The following SUMF1 variants were observed in gnomAD, a reference collection of about 807,000 sequenced individuals.
The protein encoded by SUMF1 is formylglycine-generating enzyme.
Under a neutral mutation model 47.6 loss-of-function variants are expected in SUMF1, and 48 were observed. The ratio of observed to expected loss-of-function variants is 1.01; its 90% CI spans 0.80 to 1.28. The LOEUF (loss-of-function observed/expected upper bound fraction) is 1.28. Ranked by LOEUF, SUMF1 falls within the 50% of genes most tolerant of loss-of-function variation. SUMF1 has a pLI of 0.00. For missense variants in SUMF1, 571 were observed against 485.4 expected (o/e 1.18, Z -1.66); for synonymous variants, 230 against 192.1 (o/e 1.20, Z -1.63).
intron 8 of SUMF1, chr3:4,303,644 A>C (rs2125068083): frequency 7.0e-7 from 1 of 1,427,192 alleles, no homozygotes. Flanking sequence ...CTTACAGCGC[A>C]CCCGTTGGTG....
chr3:4,376,489 T>G (rs1700334519), intron 7 of SUMF1, 100 bp from the exon 8 acceptor site: 2 of 1,258,208 alleles, frequency 1.6e-6, no homozygotes, highest in South Asian at 1.2e-5. Flanking sequence ...CTCTCATGGT[T>G]GCCTAAACTC....
chr3:4,425,159 T>C (rs1374963147), intron 3 of SUMF1, among the ~76,000 whole-genome samples: 1 of 152,192 alleles, frequency 6.6e-6, no homozygotes, highest in Non-Finnish European at 1.5e-5. Context: ...AGTAGCATAG[T>C]GGTAAGAGTA....
At chr3:4,209,840 T>G (rs1695740778) in intron 8 of SUMF1, among the ~76,000 whole-genome samples, 3 of 152,138 alleles carry the variant, frequency 2.0e-5, no homozygotes, top group Admixed American at 1.3e-4. Context: ...CTACCACAGA[T>G]TGCTGAGAGA....
intron 8 of SUMF1, among the ~76,000 whole-genome samples, chr3:4,077,486 A>G (rs1692464976): frequency 6.6e-6 from 1 of 152,178 alleles, no homozygotes; most frequent in Non-Finnish European, 1.5e-5. Flanking sequence ...ATGAAAAAGA[A>G]CAAGTTCATG....
intron 3 of SUMF1, 24 bp from the exon 4 acceptor site, chr3:4,420,170 G>T: frequency 2.5e-6 from 4 of 1,595,122 alleles, no homozygotes; most frequent in Non-Finnish European, 3.4e-6. Flanking sequence ...AGAACAGGCT[G>T]ATGTTAGCTA....
At chr3:4,349,997 A>C (rs1051798928) in intron 8 of SUMF1, among the ~76,000 whole-genome samples, 1 of 146,470 alleles carries the variant, frequency 6.8e-6, no homozygotes, top group African/African-American at 2.5e-5. Flanking sequence ...ATTACGTATT[A>C]TTTTCTTTTT....
At chr3:4,157,757 T>G (rs760866720) in intron 8 of SUMF1, among the ~76,000 whole-genome samples, 1 of 151,552 alleles carries the variant, frequency 6.6e-6, no homozygotes, top group Non-Finnish European at 1.5e-5. Flanking sequence ...CCCACAGAAA[T>G]GAGACAGACA....
intron 8 of SUMF1, among the ~76,000 whole-genome samples, chr3:4,134,223 A>G (rs144049101): frequency 0.026 from 4,008 of 152,080 alleles, 163 homozygotes; most frequent in African/African-American, 0.092. Context: ...TGGAAGTAAA[A>G]CACTCCTCAG....
At chr3:4,346,001 A>C (rs1456379529) in intron 8 of SUMF1, among the ~76,000 whole-genome samples, 1 of 152,260 alleles carries the variant, frequency 6.6e-6, no homozygotes, top group Non-Finnish European at 1.5e-5. Flanking sequence ...ATATGCACCC[A>C]ATACAGGAGC....
intron 8 of SUMF1, among the ~76,000 whole-genome samples, chr3:4,276,459 G>A (rs1268668345): frequency 6.6e-6 from 1 of 152,076 alleles, no homozygotes; most frequent in Non-Finnish European, 1.5e-5. Context: ...TGTAGAAGTA[G>A]CCTTGTTTCC....
In SUMF1 at chr3:4,043,998, C is replaced by G. The variant is rs577971864; in HGVS notation, c.1191+24571G>C. On this transcript the variant is annotated intron_variant and NMD_transcript_variant, in intron 9 of 12. Transcript: ENST00000448413. Reference sequence around the variant, plus strand: ...TCCAAGGCTGCAATAATTCAGTGGCCCAATACTATTTCAAATTTATAGCAG... The same window carrying G: ...TCCAAGGCTGCAATAATTCAGTGGCGCAATACTATTTCAAATTTATAGCAG... Among the ~76,000 whole-genome samples, 217 of 126,514 alleles carry G rather than the reference C, an allele frequency of 1.7e-3. 1 individual carries two copies. The highest frequency in any genetic ancestry group is 6.0e-3 in the African/African-American group (203 of 34,096). 83.0% of individuals were successfully genotyped at this position (126,514 alleles called of 152,430 possible).
intron 8 of SUMF1, among the ~76,000 whole-genome samples, chr3:4,323,885 C>T (rs1328947862): frequency 6.6e-6 from 1 of 152,140 alleles, no homozygotes; most frequent in Non-Finnish European, 1.5e-5. Flanking sequence ...CCTGACAGCT[C>T]TTCCTCTCAG....
intron 8 of SUMF1, among the ~76,000 whole-genome samples, chr3:4,291,359 C>A (rs1421568991): frequency 6.6e-6 from 1 of 152,050 alleles, no homozygotes; most frequent in Non-Finnish European, 1.5e-5. Context: ...TGCTTGAAAT[C>A]CATCTCTCTC....
intron 8 of SUMF1, among the ~76,000 whole-genome samples, chr3:4,224,439 T>G (rs1001251804): frequency 6.6e-6 from 1 of 152,070 alleles, no homozygotes; most frequent in Admixed American, 6.6e-5. Context: ...CCATCTCTTA[T>G]TTTTATAACA....
At chr3:4,466,953 C>T (rs2124821816) in intron 1 of SUMF1, 23 bp downstream of exon 1, 2 of 1,604,444 alleles carry the variant, frequency 1.2e-6, no homozygotes, top group Non-Finnish European at 1.7e-6. Context: ...CCCCCACCCG[C>T]CTCGGAGGAA....
chr3:4,252,517 T>A (rs888111264), intron 8 of SUMF1, among the ~76,000 whole-genome samples: 1 of 152,134 alleles, frequency 6.6e-6, no homozygotes, highest in African/African-American at 2.4e-5. Flanking sequence ...AAACCCTGAG[T>A]GGCAAAAGTA....
intron 9 of SUMF1, among the ~76,000 whole-genome samples, chr3:4,054,738 GATAA>G (rs1387899105): frequency 6.6e-6 from 1 of 152,104 alleles, no homozygotes. Flanking sequence ...CAGAGAAACT[GATAA>G]ATAAACAACT....
intron 7 of SUMF1, among the ~76,000 whole-genome samples, chr3:4,396,942 A>G (rs1414258250): frequency 6.6e-6 from 1 of 152,228 alleles, no homozygotes; most frequent in Non-Finnish European, 1.5e-5. Flanking sequence ...GTCAACCTAA[A>G]CACAGAAGAA....
chr3:4,091,771 C>T (rs1315786347), intron 8 of SUMF1, among the ~76,000 whole-genome samples: 1 of 151,996 alleles, frequency 6.6e-6, no homozygotes, highest in East Asian at 1.9e-4. Context: ...GTAAGAGGCC[C>T]TTGCATGGGA....
Sources: allele counts gnomAD v4.1 joint callset (sites outside exome capture counted in the v4.1 genomes callset), GRCh38; gene constraint gnomAD v4.1.1; transcripts MANE v1.5; gene names NCBI Gene and HGNC (gene_info 2026-07-23, HGNC 2026-07-21).